CPT1A: variants seen among roughly 807,000 people sequenced by gnomAD.
The protein encoded by CPT1A is carnitine palmitoyltransferase 1A.
Under a neutral mutation model 100.8 loss-of-function variants are expected in CPT1A, and 64 were observed. That is an observed-to-expected ratio of 0.63 (90% CI 0.52 to 0.78). CPT1A has a LOEUF of 0.78. Among genes scored for constraint, CPT1A ranks in the 30% least tolerant of loss-of-function variants. The pLI is 0.00. For missense variants in CPT1A, 802 were observed against 1,034.1 expected, an observed-to-expected ratio of 0.78 and a Z score of 3.08; for synonymous variants, 363 against 396.0, an observed-to-expected ratio of 0.92 and a Z score of 0.99.
At chr11:68,758,661 C>T (rs900762809) in intron 18 of CPT1A, among the ~76,000 whole-genome samples, 2 of 151,128 alleles carry the variant, frequency 1.3e-5, no homozygotes, top group Admixed American at 6.6e-5. Flanking sequence ...CTCCATCACC[C>T]AGGCTGGAGT....
intron 5 of CPT1A, among the ~76,000 whole-genome samples, chr11:68,801,187 A>G (rs2154000339): frequency 6.6e-6 from 1 of 152,248 alleles, no homozygotes; most frequent in Non-Finnish European, 1.5e-5. Flanking sequence ...GAGACAGAAA[A>G]TCATGCCCTG....
In CPT1A at chr11:68,840,824, A is replaced by T. The variant is rs181712469; in HGVS notation, c.-14+951T>A. Among the ~76,000 whole-genome samples, 1,083 of 152,268 alleles carry T rather than the reference A, an allele frequency of 7.1e-3. 15 individuals are homozygous for T. Among genetic ancestry groups the T allele is most frequent in the Admixed American group, 0.024 (370 of 15,300 alleles). On this transcript the variant is annotated intron_variant, in intron 1 of 18. Coordinates refer to ENST00000265641, the MANE Select transcript of CPT1A (RefSeq NM_001876.4). ...GAAGGGGCTGCCCCGCGTGGCCCTG[A>T]CCGCACCGTCGGGCTCGCAGGCCAA...
intron 1 of CPT1A, among the ~76,000 whole-genome samples, chr11:68,833,129 A>G (rs1269762144): frequency 6.6e-6 from 1 of 152,208 alleles, no homozygotes; most frequent in Non-Finnish European, 1.5e-5. Flanking sequence ...ATGATGTCCA[A>G]GGTGGCAAAA....
intron 3 of CPT1A, among the ~76,000 whole-genome samples, chr11:68,812,021 A>G (rs1856225519): frequency 6.6e-6 from 1 of 152,204 alleles, no homozygotes; most frequent in South Asian, 2.1e-4. Context: ...AGGACCCCAC[A>G]GCAGTCAGTT....
In CPT1A at chr11:68,837,657, G is replaced by C. The variant is rs185822062; in HGVS notation, c.-14+4118C>G. Reference sequence around the variant, plus strand: ...GAATAACAGTGCCCCTCGTCAGGCGGTTATGGCAATCCAGAGTGGAAAAAG... The same window carrying C: ...GAATAACAGTGCCCCTCGTCAGGCGCTTATGGCAATCCAGAGTGGAAAAAG... On this transcript the variant is annotated intron_variant, in intron 1 of 18. Transcript: ENST00000265641. 2.6e-5 allele frequency among the ~76,000 whole-genome samples: 4 copies of C among 152,236 alleles called. No individual in the cohort carries two copies. In the East Asian group the frequency reaches 7.7e-4, roughly 29 times the overall value.
At chr11:68,809,507 T>C (rs1035206455) in intron 3 of CPT1A, among the ~76,000 whole-genome samples, 6 of 151,982 alleles carry the variant, frequency 3.9e-5, no homozygotes, top group Non-Finnish European at 7.4e-5. Flanking sequence ...TTATTCTTTC[T>C]TTTTTTTAAG....
At position 68,801,716 on chromosome 11, in the gene CPT1A, C is replaced by T. The variant is rs148360608; in HGVS notation, c.555+2284G>A. On this transcript the variant is annotated intron_variant, in intron 5 of 18. Coordinates refer to ENST00000265641, the MANE Select transcript of CPT1A (RefSeq NM_001876.4). ...CAAGCCTGGATTCAAACCCTTAACC[C>T]GAGAAGTTTTTGCTTATTATTATAG... 8.2e-5 allele frequency among the ~76,000 whole-genome samples: 12 copies of T among 145,672 alleles called. No individual in the cohort carries two copies. The East Asian group carries it at 9.7e-4, about 12-fold the overall frequency.
intron 10 of CPT1A, 64 bp downstream of exon 10, chr11:68,784,751 G>T: frequency 6.7e-7 from 1 of 1,490,862 alleles, no homozygotes; most frequent in Non-Finnish European, 9.2e-7. Flanking sequence ...GTGGGGATGG[G>T]CCCCAGTGAG....
At chr11:68,760,710 G>A (rs141187387) in intron 16 of CPT1A, among the ~76,000 whole-genome samples, 69 of 152,300 alleles carry the variant, frequency 4.5e-4, no homozygotes, top group African/African-American at 1.6e-3. Context: ...ATTAAATACA[G>A]CCACTATTAA....
chr11:68,761,472 G>T, intron 16 of CPT1A, 63 bp downstream of exon 16: 2 of 1,544,766 alleles, frequency 1.3e-6, no homozygotes, highest in Non-Finnish European at 1.8e-6. Context: ...ATGCAAGGCT[G>T]TAGTAATTTA....
chr11:68,803,322 C>G (rs140535820), intron 5 of CPT1A, among the ~76,000 whole-genome samples: 1 of 152,048 alleles, frequency 6.6e-6, no homozygotes, highest in Non-Finnish European at 1.5e-5. Context: ...AATCCAGAGG[C>G]AGAAAGTAGA....
At chr11:68,775,657 G>A (rs527845351) in intron 12 of CPT1A, among the ~76,000 whole-genome samples, 2 of 152,250 alleles carry the variant, frequency 1.3e-5, no homozygotes, top group East Asian at 3.9e-4. Flanking sequence ...AGTTTGTGAC[G>A]CTCTCCTTTC....
chr11:68,760,244 C>G lies in CPT1A; in HGVS notation c.2123G>C (p.Ser708Thr), dbSNP rs1278931786. Residue 708 changes from serine (S) to threonine (T), a missense_variant, in exon 17 of 19, where the codon AGC becomes ACC. Ser to Thr is a moderately conservative substitution (Grantham distance 58, BLOSUM62 1). Transcript: ENST00000265641. ...DLENNPEYVS[S>T]GGGFGPVADD... ...ACTCACCGGTCCAAAGCCCCCTCCG[C>G]TGGACACGTACTCTGGGTTATTCTC... 6.2e-7 allele frequency: 1 copy of G among 1,610,974 alleles called. No homozygotes were observed. The highest frequency in any genetic ancestry group is 2.2e-5 in the East Asian group (1 of 44,866).
At chr11:68,780,901 A>G (rs1855291929) in intron 11 of CPT1A, among the ~76,000 whole-genome samples, 156 bp from the exon 12 acceptor site, 1 of 152,160 alleles carries the variant, frequency 6.6e-6, no homozygotes. Context: ...TGAGGGTGAA[A>G]GTACAAACAG....
intron 1 of CPT1A, among the ~76,000 whole-genome samples, chr11:68,840,183 C>T (rs1857124333): frequency 6.6e-6 from 1 of 152,206 alleles, no homozygotes; most frequent in Non-Finnish European, 1.5e-5. Flanking sequence ...GACCAACTGA[C>T]AGCTGGATGT....
At chr11:68,803,376 G>A (rs1490483275) in intron 5 of CPT1A, among the ~76,000 whole-genome samples, 2 of 152,148 alleles carry the variant, frequency 1.3e-5, no homozygotes, top group Admixed American at 6.6e-5. Flanking sequence ...GGGAATGACT[G>A]CAATCATTTA....
intron 1 of CPT1A, among the ~76,000 whole-genome samples, chr11:68,830,391 T>A (rs1177322301): frequency 6.6e-6 from 1 of 152,018 alleles, no homozygotes; most frequent in Non-Finnish European, 1.5e-5. Context: ...GCACACGGGG[T>A]GCCCACCAAC....
intron 16 of CPT1A, among the ~76,000 whole-genome samples, chr11:68,760,850 T>C (rs1421353946): frequency 6.9e-6 from 1 of 144,724 alleles, no homozygotes; most frequent in Non-Finnish European, 1.5e-5. Context: ...CCGTCTCTAC[T>C]AAAATACAAC....
At chr11:68,832,556 A>G (rs1232637313) in intron 1 of CPT1A, among the ~76,000 whole-genome samples, 1 of 152,268 alleles carries the variant, frequency 6.6e-6, no homozygotes, top group Non-Finnish European at 1.5e-5. Context: ...AAAAAGTTCT[A>G]CTTAGGATTC....
Sources: allele counts gnomAD v4.1 joint callset (sites outside exome capture counted in the v4.1 genomes callset), GRCh38; gene constraint gnomAD v4.1.1; transcripts MANE v1.5; gene names NCBI Gene and HGNC (gene_info 2026-07-23, HGNC 2026-07-21).